Variants in SLIT3 observed in about 807,000 individuals in gnomAD.
SLIT3 encodes slit guidance ligand 3.
In SLIT3, 68 loss-of-function variants were observed where a neutral mutation model predicts 184.0. The ratio of observed to expected loss-of-function variants is 0.37; its 90% CI spans 0.30 to 0.45. The LOEUF is 0.45. Among genes scored for constraint, SLIT3 ranks in the 20% least tolerant of loss-of-function variants. The pLI is 1.00. For missense variants in SLIT3, 1,707 were observed against 2,026.0 expected (o/e 0.84, Z 3.02); for synonymous variants, 831 against 828.6 (o/e 1.00, Z -0.05).
At chr5:168,908,215 G>A (rs1214646085) in intron 4 of SLIT3, among the ~76,000 whole-genome samples, 1 of 151,728 alleles carries the variant, frequency 6.6e-6, no homozygotes, top group Admixed American at 6.6e-5. Context: ...CTGAATACTC[G>A]TCTTTTTAAA....
chr5:168,679,129 G>A (rs1261856593), intron 32 of SLIT3, among the ~76,000 whole-genome samples: 5 of 152,160 alleles, frequency 3.3e-5, no homozygotes, highest in Non-Finnish European at 5.9e-5. Flanking sequence ...TGCAATCACA[G>A]CTCACTGCAG....
chr5:169,248,392 A>G (rs1385664499), intron 2 of SLIT3, among the ~76,000 whole-genome samples: 1 of 152,088 alleles, frequency 6.6e-6, no homozygotes, highest in Non-Finnish European at 1.5e-5. Flanking sequence ...GGCTCAACAA[A>G]TCATCGATAT....
chr5:168,860,425 G>C (rs1463486626), intron 5 of SLIT3, among the ~76,000 whole-genome samples: 2 of 152,152 alleles, frequency 1.3e-5, no homozygotes, highest in African/African-American at 2.4e-5. Context: ...GTGAGGAATG[G>C]TGGCCTAATG....
intron 2 of SLIT3, among the ~76,000 whole-genome samples, chr5:169,249,070 G>GA (rs1425807316): frequency 1.3e-5 from 2 of 152,008 alleles, no homozygotes; most frequent in Non-Finnish European, 2.9e-5. Flanking sequence ...GCCAAGGTGT[G>GA]AAAAAAATCT....
chr5:168,816,744 T>G (rs2113655131), intron 8 of SLIT3, among the ~76,000 whole-genome samples: 1 of 152,360 alleles, frequency 6.6e-6, no homozygotes, highest in East Asian at 1.9e-4. Flanking sequence ...GGGCTGTGTA[T>G]TATGCTAAGT....
chr5:169,132,237 G>A (rs1406140658), intron 4 of SLIT3, among the ~76,000 whole-genome samples: 2 of 152,246 alleles, frequency 1.3e-5, no homozygotes, highest in East Asian at 3.9e-4. Context: ...GGGCTGAAGA[G>A]AGCCAAGTGA....
chr5:169,055,803 C>G (rs1757981422), intron 4 of SLIT3, among the ~76,000 whole-genome samples: 1 of 150,402 alleles, frequency 6.6e-6, no homozygotes, highest in Non-Finnish European at 1.5e-5. Context: ...TGCACTCCAG[C>G]CTGGCGACAG....
intron 4 of SLIT3, among the ~76,000 whole-genome samples, chr5:169,091,958 G>T (rs947449085): frequency 1.3e-5 from 2 of 152,076 alleles, no homozygotes; most frequent in African/African-American, 4.8e-5. Context: ...GCGGTGGCTC[G>T]TGCCTGTAAT....
At chr5:168,683,832 T>C (rs565497064) in intron 32 of SLIT3, 134 bp downstream of exon 32, 15 of 758,580 alleles carry the variant, frequency 2.0e-5, no homozygotes, top group African/African-American at 5.4e-5. Flanking sequence ...AGTGTGTGTG[T>C]GCGCACATGT....
intron 4 of SLIT3, among the ~76,000 whole-genome samples, chr5:169,172,655 C>T (rs186266052): frequency 1.2e-4 from 19 of 152,252 alleles, no homozygotes; most frequent in Middle Eastern, 3.4e-3. Flanking sequence ...TCACATCCTC[C>T]GCCTCAAATA....
intron 9 of SLIT3, among the ~76,000 whole-genome samples, chr5:168,798,678 C>T (rs534160656): frequency 3.9e-5 from 6 of 152,020 alleles, no homozygotes; most frequent in South Asian, 2.1e-4. Flanking sequence ...GCAGTGGGAG[C>T]GTGGTTGCGA....
intron 4 of SLIT3, among the ~76,000 whole-genome samples, chr5:169,160,848 G>C (rs1322412017): frequency 1.3e-5 from 2 of 152,180 alleles, no homozygotes; most frequent in Admixed American, 6.5e-5. Context: ...CCTACACTTT[G>C]AGGGATCCAG....
At chr5:169,136,677 A>G (rs1761513561) in intron 4 of SLIT3, among the ~76,000 whole-genome samples, 1 of 152,178 alleles carries the variant, frequency 6.6e-6, no homozygotes, top group Non-Finnish European at 1.5e-5. Context: ...CAATGCCTCA[A>G]TGCCTCATTA....
chr5:168,864,609 G>T (rs1759233555), intron 5 of SLIT3, among the ~76,000 whole-genome samples: 2 of 152,210 alleles, frequency 1.3e-5, no homozygotes. Flanking sequence ...CACCGTCAGT[G>T]TGAAAGATGG....
intron 5 of SLIT3, among the ~76,000 whole-genome samples, chr5:168,850,364 T>C (rs1758625042): frequency 6.6e-6 from 1 of 151,476 alleles, no homozygotes; most frequent in African/African-American, 2.4e-5. Context: ...TACTGATTCA[T>C]GAATTATTTA....
intron 20 of SLIT3, among the ~76,000 whole-genome samples, chr5:168,740,968 A>G (rs562761363): frequency 2.0e-5 from 3 of 152,214 alleles, no homozygotes; most frequent in Non-Finnish European, 2.9e-5. Flanking sequence ...CCCATGGCAC[A>G]GCCCGGTCCA....
At chr5:168,771,054 A>G (rs1755534582) in intron 14 of SLIT3, among the ~76,000 whole-genome samples, 1 of 152,142 alleles carries the variant, frequency 6.6e-6, no homozygotes. Flanking sequence ...TTATGAGACC[A>G]AAGGGTCAAG....
At chr5:168,725,002 C>T (rs1763062364) in intron 20 of SLIT3, among the ~76,000 whole-genome samples, 1 of 152,160 alleles carries the variant, frequency 6.6e-6, no homozygotes, top group Admixed American at 6.5e-5. Flanking sequence ...GTTGGGAGAA[C>T]TGAGCCAGGC....
chr5:169,165,071 A>G (rs1167329760), intron 4 of SLIT3, among the ~76,000 whole-genome samples: 2 of 152,224 alleles, frequency 1.3e-5, no homozygotes, highest in Non-Finnish European at 2.9e-5. Context: ...TAGGCAAAAC[A>G]ACTAGCAGAG....
Sources: allele counts gnomAD v4.1 joint callset (sites outside exome capture counted in the v4.1 genomes callset), GRCh38; gene constraint gnomAD v4.1.1; transcripts MANE v1.5; gene names NCBI Gene and HGNC (gene_info 2026-07-23, HGNC 2026-07-21).